NDUFA5: variants seen among roughly 807,000 people sequenced by gnomAD.
The protein encoded by NDUFA5 is NADH:ubiquinone oxidoreductase subunit A5, also known as NADH dehydrogenase [ubiquinone] 1 alpha subcomplex subunit 5.
Under a neutral mutation model 19.8 loss-of-function variants are expected in NDUFA5, and 11 were observed. The observed-to-expected ratio is 0.56, with a 90% CI of 0.35 to 0.92. The LOEUF (loss-of-function observed/expected upper bound fraction) is 0.92, where lower values mean the gene tolerates loss of function less well. Among genes scored for constraint, NDUFA5 ranks in the 40% least tolerant of loss-of-function variants. The pLI is 0.01. For synonymous variants in NDUFA5, 47 were observed against 46.8 expected (o/e 1.00, Z -0.01); for missense variants, 109 against 134.2 (o/e 0.81, Z 0.93).
At chr7:123,596,845 T>C in the NDUFA5 span, among the ~76,000 whole-genome samples, 14 of 152,338 alleles carry the variant, frequency 9.2e-5, no homozygotes, top group African/African-American at 3.4e-4. Context: ...TCAGAGAGAA[T>C]AGAGTACAAT....
At chr7:123,544,498 CAA>C (rs754788912) in intron 4 of NDUFA5, among the ~76,000 whole-genome samples, 26,684 of 71,846 alleles carry the variant, frequency 0.37, 2,161 homozygotes, top group East Asian at 0.43. Flanking sequence ...AACTCCATCT[CAA>C]AAAAAAAAAA....
the NDUFA5 span, among the ~76,000 whole-genome samples, chr7:123,570,628 G>A: frequency 0.065 from 9,880 of 152,192 alleles, 352 homozygotes; most frequent in Non-Finnish European, 0.078. Flanking sequence ...GACTCACCTT[G>A]ACAAATTATA....
chr7:123,571,783 T>A, the NDUFA5 span, among the ~76,000 whole-genome samples: 2 of 152,186 alleles, frequency 1.3e-5, no homozygotes, highest in Admixed American at 1.3e-4. Flanking sequence ...ATAGTCCCAC[T>A]TGTCTATTTT....
chr7:123,557,602 A>C (rs767518279), intron 1 of NDUFA5, 154 bp from the exon 2 acceptor site: 1 of 1,612,856 alleles, frequency 6.2e-7, no homozygotes, highest in Non-Finnish European at 8.5e-7. Flanking sequence ...TTTTTTCCTG[A>C]CTCTCGGAGC....
At chr7:123,569,493 A>G in the NDUFA5 span, among the ~76,000 whole-genome samples, 2 of 152,192 alleles carry the variant, frequency 1.3e-5, no homozygotes, top group African/African-American at 2.4e-5. Context: ...ATGCTATTGC[A>G]TGCATTTTTA....
At chr7:123,560,553 A>G (rs56065641), upstream of NDUFA5, among the ~76,000 whole-genome samples, 1,035 of 152,348 alleles carry the variant, frequency 6.8e-3, 12 homozygotes, top group African/African-American at 0.024. Context: ...GGTGGCTTAA[A>G]CAACAGAAAT....
the NDUFA5 span, among the ~76,000 whole-genome samples, chr7:123,563,500 A>G: frequency 2.0e-5 from 3 of 152,192 alleles, no homozygotes; most frequent in Admixed American, 2.0e-4. Context: ...ACACTTAATA[A>G]CACTAACATC....
chr7:123,598,462 C>T, the NDUFA5 span, among the ~76,000 whole-genome samples: 1 of 152,030 alleles, frequency 6.6e-6, no homozygotes, highest in East Asian at 1.9e-4. Context: ...ACTTGAAATG[C>T]CTTTCACAAT....
Position 123,550,515 on chromosome 7 carries a change from C to T in NDUFA5, c.138G>A (p.Lys46=), listed in dbSNP as rs1438593089. ...TCTCATTTGTAATCTGTTCTGTATA[C>T]TTTCTATATGCTGCATTTTTAGGGA... The part of the protein sequence containing the change: ...EEIPKNAAYR[K]YTEQITNEKL... Residue 46 remains lysine, a synonymous_variant, in exon 3 of 5, where the codon AAG becomes AAA. Coordinates refer to ENST00000355749, the MANE Select transcript of NDUFA5 (RefSeq NM_005000.5). The T allele has an allele frequency of 6.2e-7, 1 of 1,610,470 alleles. No individual in the cohort carries two copies. The highest frequency in any genetic ancestry group is 8.5e-7 in the Non-Finnish European group (1 of 1,178,320).
chr7:123,552,553 T>A (rs1798387018), intron 2 of NDUFA5, among the ~76,000 whole-genome samples: 2 of 145,480 alleles, frequency 1.4e-5, no homozygotes, highest in South Asian at 4.4e-4. Flanking sequence ...GGTTGATGGG[T>A]GCGGCAAACC....
chr7:123,597,806 G>A, the NDUFA5 span, among the ~76,000 whole-genome samples: 1 of 152,100 alleles, frequency 6.6e-6, no homozygotes, highest in African/African-American at 2.4e-5. Flanking sequence ...ACTCCAGCCT[G>A]GGCAACAGAG....
chr7:123,595,548 A>G, the NDUFA5 span, among the ~76,000 whole-genome samples: 3 of 152,188 alleles, frequency 2.0e-5, no homozygotes, highest in African/African-American at 7.2e-5. Flanking sequence ...GTTTACCACA[A>G]TTCATTTTCT....
intron 3 of NDUFA5, among the ~76,000 whole-genome samples, chr7:123,547,629 C>T (rs1798184237): frequency 6.6e-6 from 1 of 152,094 alleles, no homozygotes; most frequent in Non-Finnish European, 1.5e-5. Context: ...GGAATTAACT[C>T]ATATGAGAGA....
intron 3 of NDUFA5, chr7:123,546,864 G>A (rs920549273): frequency 2.1e-6 from 1 of 470,736 alleles, no homozygotes; most frequent in Non-Finnish European, 4.1e-6. Flanking sequence ...TCTAGAAACT[G>A]TGAGTGTTAC....
Position 123,542,126 on chromosome 7 carries a change from G to A in NDUFA5, c.344C>T (p.Pro115Leu), listed in dbSNP as rs766196942. Residue 115 changes from proline to leucine, a missense_variant, in exon 5 of 5, where the codon CCA becomes CTA. By Grantham distance (98) the Pro-to-Leu change is moderately conservative. Coordinates refer to ENST00000355749, the MANE Select transcript of NDUFA5 (RefSeq NM_005000.5). ...EEPPADQWKW[P>L]I The stretch of plus-strand genomic sequence containing the variant: ...ACCAAAGTCACTTAATAATTATATT[G>A]GCCATTTCCACTGATCGGCAGGAGG... 39 of 1,605,606 alleles carry A rather than the reference G, an allele frequency of 2.4e-5. No individual in the cohort carries two copies. The highest frequency in any genetic ancestry group is 3.4e-5 in the Admixed American group (2 of 59,104).
chr7:123,569,470 A>G, the NDUFA5 span, among the ~76,000 whole-genome samples: 1 of 152,178 alleles, frequency 6.6e-6, no homozygotes, highest in East Asian at 1.9e-4. Flanking sequence ...GTGTGATCCT[A>G]TGTGGCCTTA....
chr7:123,546,464 G>C (rs1050268933), intron 3 of NDUFA5, among the ~76,000 whole-genome samples: 2 of 152,080 alleles, frequency 1.3e-5, no homozygotes, highest in African/African-American at 4.8e-5. Context: ...TTATTTAATA[G>C]AAGTTTTTAA....
the NDUFA5 span, among the ~76,000 whole-genome samples, chr7:123,594,656 C>G: frequency 7.2e-5 from 11 of 152,170 alleles, no homozygotes. Flanking sequence ...CCTCTGGAAG[C>G]TTCGTCCCAG....
At chr7:123,591,656 A>T in the NDUFA5 span, among the ~76,000 whole-genome samples, 1 of 152,128 alleles carries the variant, frequency 6.6e-6, no homozygotes, top group Non-Finnish European at 1.5e-5. Context: ...AGCCAACTTG[A>T]TCGTGGTGGA....
Sources: allele counts gnomAD v4.1 joint callset (sites outside exome capture counted in the v4.1 genomes callset), GRCh38; gene constraint gnomAD v4.1.1; transcripts MANE v1.5; gene names NCBI Gene and HGNC (gene_info 2026-07-23, HGNC 2026-07-21).